The following RBFOX1 variants were observed in gnomAD, a reference collection of about 807,000 sequenced individuals.
RBFOX1 encodes RNA binding fox-1 homolog 1, also known as RNA binding protein fox-1 homolog 1.
In RBFOX1, 8 loss-of-function variants were observed where a neutral mutation model predicts 57.7. That is an observed-to-expected ratio of 0.14 (90% CI 0.08 to 0.25). RBFOX1 has a LOEUF of 0.25. Ranked by LOEUF, RBFOX1 falls within the 10% of genes least tolerant of loss-of-function variation. The pLI is 1.00. For missense variants in RBFOX1, 611 were observed against 548.5 expected (o/e 1.11, Z -1.14); for synonymous variants, 326 against 222.4 (o/e 1.47, Z -4.15).
intron 4 of RBFOX1, among the ~76,000 whole-genome samples, chr16:5,968,457 G>C (rs900128523): frequency 6.6e-6 from 1 of 152,168 alleles, no homozygotes; most frequent in African/African-American, 2.4e-5. Context: ...TATCCTTTCT[G>C]TGTGTAGGTG....
intron 1 of RBFOX1, among the ~76,000 whole-genome samples, chr16:6,119,014 G>GTT (rs35604110): frequency 0.37 from 52,391 of 142,026 alleles, 10,053 homozygotes; most frequent in Non-Finnish European, 0.44. Context: ...AATTCCTCAG[G>GTT]TTTTTTTTTT....
chr16:5,480,379 TAA>T (rs61654524), intron 2 of RBFOX1, among the ~76,000 whole-genome samples: 26 of 148,862 alleles, frequency 1.7e-4, no homozygotes, highest in East Asian at 5.9e-4. Flanking sequence ...ATAGATTATT[TAA>T]AAAAAAAAAC....
At chr16:7,383,829 G>C (rs1348418418) in intron 4 of RBFOX1, among the ~76,000 whole-genome samples, 1 of 152,062 alleles carries the variant, frequency 6.6e-6, no homozygotes, top group African/African-American at 2.4e-5. Context: ...GGCCGAGGCG[G>C]GCAGATCACA....
intron 4 of RBFOX1, among the ~76,000 whole-genome samples, chr16:7,346,703 C>T (rs1467881528): frequency 6.6e-6 from 1 of 152,042 alleles, no homozygotes; most frequent in African/African-American, 2.4e-5. Context: ...TGTCAACTTA[C>T]CTCTTATCTC....
At chr16:6,433,663 G>A (rs952752446) in intron 2 of RBFOX1, among the ~76,000 whole-genome samples, 1 of 152,084 alleles carries the variant, frequency 6.6e-6, no homozygotes, top group African/African-American at 2.4e-5. Flanking sequence ...CCAGGTGTTA[G>A]CAGGGCTCAG....
chr16:6,568,672 C>G (rs1480772210), intron 2 of RBFOX1, among the ~76,000 whole-genome samples: 1 of 152,154 alleles, frequency 6.6e-6, no homozygotes, highest in Non-Finnish European at 1.5e-5. Context: ...CTGGATAGAA[C>G]ATGTAACTCT....
chr16:5,288,797 C>T (rs34134053), intron 1 of RBFOX1, among the ~76,000 whole-genome samples: 65,902 of 151,738 alleles, frequency 0.43, 14,643 homozygotes, highest in Non-Finnish European at 0.5. Context: ...AGCATCACAG[C>T]GGCATGATCT....
chr16:6,667,203 T>C (rs2098738413), intron 3 of RBFOX1, among the ~76,000 whole-genome samples: 3 of 152,106 alleles, frequency 2.0e-5, no homozygotes. Flanking sequence ...GCCGGAAACC[T>C]AAACGACAGA....
intron 1 of RBFOX1, among the ~76,000 whole-genome samples, chr16:6,022,727 A>G (rs921251725): frequency 1.3e-5 from 2 of 152,230 alleles, no homozygotes; most frequent in African/African-American, 2.4e-5. Flanking sequence ...ACAATTTGTG[A>G]TAGTATCTAA....
chr16:6,301,753 C>G (rs2078844588), intron 1 of RBFOX1, among the ~76,000 whole-genome samples: 1 of 152,062 alleles, frequency 6.6e-6, no homozygotes, highest in Non-Finnish European at 1.5e-5. Context: ...TCAATAAATG[C>G]TAGAATATGC....
chr16:6,846,837 C>A (rs2093781161), intron 3 of RBFOX1, among the ~76,000 whole-genome samples: 1 of 151,566 alleles, frequency 6.6e-6, no homozygotes, highest in Non-Finnish European at 1.5e-5. Flanking sequence ...CCTACAGGAT[C>A]TTGGATGGCA....
Position 6,728,069 on chromosome 16 carries a change from T to G in RBFOX1, c.-16+73419T>G, listed in dbSNP as rs184175111. ...CTAAGTAACATAATGCAGTCAGGAT[T>G]TTAGCATAGAGCTAGCCACCAAGTG... On this transcript the variant is annotated intron_variant, in intron 3 of 15. Transcript: ENST00000550418. 9.8e-5 allele frequency among the ~76,000 whole-genome samples: 15 copies of G among 152,340 alleles called. No individual in the cohort carries two copies. In the East Asian group the frequency reaches 2.7e-3, roughly 27 times the overall value.
At chr16:6,108,856 C>G (rs2096412322) in intron 1 of RBFOX1, among the ~76,000 whole-genome samples, 2 of 152,112 alleles carry the variant, frequency 1.3e-5, no homozygotes, top group African/African-American at 4.8e-5. Context: ...TCTCCCTCTG[C>G]TCTCTCTTAT....
chr16:5,653,496 T>TTG (rs71142639), intron 3 of RBFOX1, among the ~76,000 whole-genome samples: 132,114 of 147,310 alleles, frequency 0.9, 60,011 homozygotes, highest in East Asian at 0.99. Context: ...TGCTGCGTCT[T>TTG]TGAGGAAGTT....
At chr16:6,927,502 C>T (rs932015588) in intron 3 of RBFOX1, among the ~76,000 whole-genome samples, 1 of 148,116 alleles carries the variant, frequency 6.8e-6, no homozygotes, top group African/African-American at 2.5e-5. Context: ...TCTTTCTTTC[C>T]ACATGGAAGC....
intron 2 of RBFOX1, among the ~76,000 whole-genome samples, chr16:6,566,281 A>C (rs1373701879): frequency 6.6e-6 from 1 of 152,168 alleles, no homozygotes; most frequent in East Asian, 1.9e-4. Flanking sequence ...TCACAGCATC[A>C]TGGCGAACAG....
intron 3 of RBFOX1, among the ~76,000 whole-genome samples, chr16:6,805,696 C>T (rs963040025): frequency 6.7e-6 from 1 of 149,782 alleles, no homozygotes; most frequent in African/African-American, 2.5e-5. Context: ...TTATCCTTAC[C>T]ATCTTGTCCA....
intron 1 of RBFOX1, among the ~76,000 whole-genome samples, chr16:6,023,397 A>G (rs1008039310): frequency 2.0e-5 from 3 of 152,100 alleles, no homozygotes; most frequent in African/African-American, 4.8e-5. Flanking sequence ...ATCCCAAGCT[A>G]TTATATTTTA....
At chr16:6,840,983 C>G (rs577801621) in intron 3 of RBFOX1, among the ~76,000 whole-genome samples, 9 of 152,110 alleles carry the variant, frequency 5.9e-5, no homozygotes, top group African/African-American at 1.7e-4. Flanking sequence ...GAGGTGGACA[C>G]TCACCAGACA....
Sources: allele counts gnomAD v4.1 joint callset (sites outside exome capture counted in the v4.1 genomes callset), GRCh38; gene constraint gnomAD v4.1.1; transcripts MANE v1.5; gene names NCBI Gene and HGNC (gene_info 2026-07-23, HGNC 2026-07-21).